The following DDHD2 variants were observed in gnomAD, a reference collection of about 807,000 sequenced individuals.
DDHD2 encodes the protein triacylglycerol hydrolase DDHD2.
Under a neutral mutation model 91.2 loss-of-function variants are expected in DDHD2, and 62 were observed. The ratio of observed to expected loss-of-function variants is 0.68; its 90% CI spans 0.55 to 0.84. The LOEUF (loss-of-function observed/expected upper bound fraction) is 0.84, where lower values mean the gene tolerates loss of function less well. DDHD2 is among the 40% of genes least tolerant of loss of function. DDHD2 has a pLI of 0.00. For missense variants in DDHD2, 740 were observed against 846.9 expected (o/e 0.87, Z 1.57); for synonymous variants, 271 against 293.9 (o/e 0.92, Z 0.80).
downstream of DDHD2, chr8:38,264,470 C>G (rs1370753416): frequency 6.4e-7 from 1 of 1,550,614 alleles, no homozygotes; most frequent in East Asian, 2.4e-5. Flanking sequence ...TAAGAATCCC[C>G]AGGCTTCTGT....
Position 38,240,310 on chromosome 8 carries a change from G to A in DDHD2, c.658G>A (p.Val220Ile). The change falls in exon 6 of 18, where the codon GTC (valine) becomes ATC (isoleucine). Residue 220 changes from valine to isoleucine, a missense_variant. Coordinates refer to ENST00000397166, the MANE Select transcript of DDHD2 (RefSeq NM_015214.3). ...ACAAATAGATCACTTGGTTTTTGTAGTCCATGGGATTGGACCAGCTTGTGA... is the reference window on the plus strand; with the variant it reads ...ACAAATAGATCACTTGGTTTTTGTAATCCATGGGATTGGACCAGCTTGTGA... ...PLQIDHLVFV[V>I]HGIGPACDLR... 6.2e-7 allele frequency: 1 copy of A among 1,610,024 alleles called. No homozygotes were observed. The highest frequency in any genetic ancestry group is 1.1e-5 in the South Asian group (1 of 90,662).
chr8:38,259,312 C>T (rs1033719619), intron 16 of DDHD2, among the ~76,000 whole-genome samples: 2 of 151,794 alleles, frequency 1.3e-5, no homozygotes, highest in Non-Finnish European at 2.9e-5. Context: ...CCTTTGCCTC[C>T]TCGGTTCAAG....
intron 13 of DDHD2, 119 bp from the exon 14 acceptor site, chr8:38,252,603 C>T: frequency 4.1e-6 from 3 of 736,524 alleles, no homozygotes; most frequent in Non-Finnish European, 6.5e-6. Flanking sequence ...GATTGCACCA[C>T]TGCACTCCAG....
In DDHD2 at chr8:38,262,611, C is replaced by T. The variant is rs1173577515; in HGVS notation, c.*2038C>T. On this transcript the variant is annotated 3_prime_UTR_variant, in exon 18 of 18. Coordinates refer to ENST00000397166, the MANE Select transcript of DDHD2 (RefSeq NM_015214.3). The stretch of plus-strand genomic sequence containing the variant: ...GGTACAGCATCATTTTGTACATATT[C>T]CCAGCTGCAGAACTAGTATCACTTA... The T allele has an allele frequency of 6.6e-6, 1 of 152,154 alleles. No homozygotes were observed. Among genetic ancestry groups the T allele is most frequent in the Non-Finnish European group, 1.5e-5 (1 of 68,018 alleles). 9.4% of individuals were successfully genotyped at this position (152,154 alleles called of 1,614,324 possible).
chr8:38,259,981 G>T, intron 16 of DDHD2, 59 bp from the exon 17 acceptor site: 2 of 1,095,222 alleles, frequency 1.8e-6, no homozygotes, highest in Non-Finnish European at 1.4e-6. Context: ...GATAATATAT[G>T]TAAAACATTT....
intron 1 of DDHD2, chr8:38,269,076 G>T: frequency 6.6e-7 from 1 of 1,524,846 alleles, no homozygotes; most frequent in East Asian, 2.6e-5. Flanking sequence ...CGTGCCGCCC[G>T]CCTGCCTGGG....
intron 8 of DDHD2, 23 bp from the exon 9 acceptor site, chr8:38,246,210 C>T (rs752738899): frequency 6.5e-7 from 1 of 1,540,050 alleles, no homozygotes; most frequent in Non-Finnish European, 9.0e-7. Context: ...TAGAAATTGT[C>T]CCTTCTTCTA....
downstream of DDHD2, chr8:38,267,478 C>T (rs2130936233): frequency 6.6e-7 from 1 of 1,512,112 alleles, no homozygotes; most frequent in African/African-American, 1.4e-5. Flanking sequence ...ATCCTGTTAA[C>T]TATTGGTCAA....
At chr8:38,242,759 T>A (rs189738471) in intron 7 of DDHD2, among the ~76,000 whole-genome samples, 1 of 152,246 alleles carries the variant, frequency 6.6e-6, no homozygotes, top group South Asian at 2.1e-4. Context: ...TAAATAATAT[T>A]TGTCCAAATT....
intron 16 of DDHD2, among the ~76,000 whole-genome samples, chr8:38,256,998 A>C (rs1267651319): frequency 7.5e-6 from 1 of 133,824 alleles, no homozygotes; most frequent in Non-Finnish European, 1.8e-5. Flanking sequence ...ATTATAGCTC[A>C]CTGCAGCCTT....
intron 3 of DDHD2, 130 bp downstream of exon 3, chr8:38,234,714 A>T: frequency 2.9e-6 from 2 of 678,284 alleles, no homozygotes; most frequent in Non-Finnish European, 4.7e-6. Flanking sequence ...TATAAAACAT[A>T]ATAAAGCATT....
chr8:38,248,304 A>C (rs1269251380), intron 10 of DDHD2, among the ~76,000 whole-genome samples: 1 of 148,044 alleles, frequency 6.8e-6, no homozygotes, highest in Non-Finnish European at 1.5e-5. Context: ...CCCGTGATCC[A>C]CCCACCTTGG....
Position 38,245,732 on chromosome 8 carries a change from C to G in DDHD2, c.849-10C>G, listed in dbSNP as rs759196257. 6.2e-7 allele frequency: 1 copy of G among 1,612,282 alleles called. No homozygotes were observed. The highest frequency in any genetic ancestry group is 8.5e-7 in the Non-Finnish European group (1 of 1,179,300). On this transcript the variant is annotated splice_polypyrimidine_tract_variant and intron_variant, in intron 7 of 17. Coordinates refer to ENST00000397166, the MANE Select transcript of DDHD2 (RefSeq NM_015214.3). The stretch of plus-strand genomic sequence containing the variant: ...AGGTTTCCTGCTTATATTATTTTTC[C>G]TTTTTTCAGAGATCTGCAGCGAATA...
chr8:38,266,058 T>C (rs1807535034), downstream of DDHD2: 2 of 1,287,618 alleles, frequency 1.6e-6, no homozygotes, highest in South Asian at 1.5e-5. Flanking sequence ...AGCAGATATT[T>C]AGTAAGCATC....
At chr8:38,239,012 G>A (rs996367857) in intron 5 of DDHD2, 1 of 152,112 alleles carries the variant, frequency 6.6e-6, no homozygotes. Flanking sequence ...TCTGTAAAAA[G>A]TATGTGGGAG....
chr8:38,252,495 G>C (rs1806188283), intron 13 of DDHD2, among the ~76,000 whole-genome samples: 1 of 151,976 alleles, frequency 6.6e-6, no homozygotes, highest in African/African-American at 2.4e-5. Flanking sequence ...ACATAGTTCT[G>C]GTTGTACATG....
intron 11 of DDHD2, chr8:38,250,503 G>A (rs1806033556): frequency 6.6e-6 from 1 of 152,098 alleles, no homozygotes; most frequent in Admixed American, 6.6e-5. Flanking sequence ...GACCTCAGAT[G>A]ACCCATGTGC....
chr8:38,237,355 G>A (rs1246376663), intron 3 of DDHD2, among the ~76,000 whole-genome samples, 183 bp from the exon 4 acceptor site: 2 of 152,050 alleles, frequency 1.3e-5, no homozygotes, highest in Non-Finnish European at 2.9e-5. Context: ...CAGCCTGGGC[G>A]ACAGAGTAAG....
Position 38,246,022 on chromosome 8 carries a change from G to A in DDHD2, c.1057+72G>A, listed in dbSNP as rs1043932863. 1.1e-5 allele frequency: 16 copies of A among 1,443,696 alleles called. No homozygotes were observed. In the Admixed American group the frequency reaches 2.1e-4, roughly 19 times the overall value. The allele number at this position is 1,443,696 out of a possible 1,614,324, so 89.4% of individuals were successfully genotyped here. ...AAGACACCTGTTTTTGAAGCACAATGTCTTTTATCAGTATGAAATTCAGAG... is the reference window on the plus strand; with the variant it reads ...AAGACACCTGTTTTTGAAGCACAATATCTTTTATCAGTATGAAATTCAGAG... On this transcript the variant is annotated intron_variant, in intron 8 of 17. Transcript: ENST00000397166.
Sources: allele counts gnomAD v4.1 joint callset (sites outside exome capture counted in the v4.1 genomes callset), GRCh38; gene constraint gnomAD v4.1.1; transcripts MANE v1.5; gene names NCBI Gene and HGNC (gene_info 2026-07-23, HGNC 2026-07-21).